PPP3CA: variants seen among roughly 807,000 people sequenced by gnomAD.
The protein encoded by PPP3CA is protein phosphatase 3 catalytic subunit alpha.
Under a neutral mutation model 66.5 loss-of-function variants are expected in PPP3CA, and 14 were observed. The observed-to-expected ratio is 0.21, with a 90% CI of 0.14 to 0.33. The LOEUF is 0.33. Ranked by LOEUF, PPP3CA falls within the 10% of genes least tolerant of loss-of-function variation. The pLI, the probability that PPP3CA is intolerant of heterozygous loss-of-function variation, is 1.00. For missense variants in PPP3CA, 317 were observed against 639.5 expected, an observed-to-expected ratio of 0.50 and a Z score of 5.44; for synonymous variants, 232 against 226.2, an observed-to-expected ratio of 1.03 and a Z score of -0.23.
chr4:101,038,006 T>G (rs1370865547), intron 11 of PPP3CA, among the ~76,000 whole-genome samples: 1 of 152,224 alleles, frequency 6.6e-6, no homozygotes, highest in Admixed American at 6.5e-5. Flanking sequence ...ACACTCTGCT[T>G]AGCCTCTCTC....
intron 6 of PPP3CA, among the ~76,000 whole-genome samples, chr4:101,088,117 T>C (rs1055341970): frequency 6.6e-6 from 1 of 152,088 alleles, no homozygotes; most frequent in African/African-American, 2.4e-5. Flanking sequence ...ACTCAGATTG[T>C]CTGTCTCTCT....
intron 2 of PPP3CA, among the ~76,000 whole-genome samples, chr4:101,142,944 GC>G (rs1578489697): frequency 6.6e-6 from 1 of 152,114 alleles, no homozygotes; most frequent in Admixed American, 6.6e-5. Flanking sequence ...GGCCTCTTTG[GC>G]TATATACCTT....
chr4:101,090,641 C>CA (rs1218660976), intron 6 of PPP3CA, among the ~76,000 whole-genome samples: 1,148 of 65,380 alleles, frequency 0.018, 25 homozygotes, highest in Non-Finnish European at 0.024. Context: ...GACTCTGTCT[C>CA]AAAAAAAAAA....
At chr4:101,211,044 T>C (rs917416243) in intron 1 of PPP3CA, among the ~76,000 whole-genome samples, 2 of 152,220 alleles carry the variant, frequency 1.3e-5, no homozygotes, top group African/African-American at 4.8e-5. Context: ...GCAGATTTAC[T>C]TCACTGAATT....
intron 11 of PPP3CA, among the ~76,000 whole-genome samples, chr4:101,035,637 A>T (rs115885266): frequency 1.6e-3 from 247 of 152,332 alleles, no homozygotes; most frequent in African/African-American, 5.2e-3. Flanking sequence ...GCCCCAGCAT[A>T]GAAGATGGTC....
At chr4:101,291,200 A>G (rs1728012883) in intron 1 of PPP3CA, among the ~76,000 whole-genome samples, 1 of 152,194 alleles carries the variant, frequency 6.6e-6, no homozygotes, top group South Asian at 2.1e-4. Context: ...TAGTTCTTCT[A>G]TGTGGGTCAA....
intron 10 of PPP3CA, among the ~76,000 whole-genome samples, chr4:101,042,810 T>TC (rs1169667955): frequency 7.5e-6 from 1 of 133,374 alleles, no homozygotes; most frequent in Non-Finnish European, 1.5e-5. Flanking sequence ...TTTCTTTTTT[T>TC]TTTTTTTTTT....
intron 1 of PPP3CA, among the ~76,000 whole-genome samples, chr4:101,280,544 G>C (rs557214611): frequency 6.6e-6 from 1 of 152,262 alleles, no homozygotes; most frequent in East Asian, 1.9e-4. Context: ...AACGGACCAG[G>C]TGTGGTGGCT....
intron 1 of PPP3CA, among the ~76,000 whole-genome samples, chr4:101,203,007 T>C (rs1480618473): frequency 2.6e-5 from 4 of 152,168 alleles, no homozygotes; most frequent in African/African-American, 9.7e-5. Flanking sequence ...AATGTTCACA[T>C]AAAAATATAG....
chr4:101,255,103 C>T (rs1726799487), intron 1 of PPP3CA, among the ~76,000 whole-genome samples: 2 of 149,778 alleles, frequency 1.3e-5, no homozygotes, highest in Admixed American at 6.7e-5. Context: ...GGACAAAGTT[C>T]CTCTTATTTT....
chr4:101,042,155 C>G (rs918024433), intron 10 of PPP3CA, among the ~76,000 whole-genome samples: 1 of 145,430 alleles, frequency 6.9e-6, no homozygotes, highest in South Asian at 2.2e-4. Flanking sequence ...TTTGAAATGG[C>G]TAGAAAAAAG....
intron 2 of PPP3CA, among the ~76,000 whole-genome samples, chr4:101,149,493 A>C (rs1723071326): frequency 6.6e-6 from 1 of 152,170 alleles, no homozygotes; most frequent in Non-Finnish European, 1.5e-5. Flanking sequence ...TAAGTTAAAA[A>C]ATTTTGCTAG....
intron 1 of PPP3CA, among the ~76,000 whole-genome samples, chr4:101,320,584 T>G (rs2583395): frequency 0.44 from 66,650 of 151,494 alleles, 17,234 homozygotes; most frequent in African/African-American, 0.71. Flanking sequence ...ATTGGTCATG[T>G]TTCTTAGAAA....
intron 10 of PPP3CA, among the ~76,000 whole-genome samples, chr4:101,053,392 A>T (rs544186548): frequency 1.3e-5 from 2 of 152,178 alleles, no homozygotes; most frequent in South Asian, 2.1e-4. Flanking sequence ...TGCTACACAA[A>T]CCTGGTTCTT....
In PPP3CA at chr4:101,025,304, G is replaced by GT. The variant is rs5860654; in HGVS notation, c.*560dup. ...GCAACGTTCTTTTTTTTCTTTTTCTGTTTTTTTTTTTTTTTAAGACTGCCT... is the reference window on the plus strand; with the variant it reads ...GCAACGTTCTTTTTTTTCTTTTTCTGTTTTTTTTTTTTTTTTAAGACTGCCT... On this transcript the variant is annotated 3_prime_UTR_variant, in exon 14 of 14. Transcript: ENST00000394854. The GT allele has an allele frequency of 0.35, 47,363 of 136,354 alleles. 9,283 individuals carry two copies. Among genetic ancestry groups the GT allele is most frequent in the Non-Finnish European group, 0.47 (29,743 of 63,770 alleles). 8.4% of individuals were successfully genotyped at this position (136,354 alleles called of 1,614,324 possible).
chr4:101,290,480 T>C (rs1021114055), intron 1 of PPP3CA, among the ~76,000 whole-genome samples: 6 of 152,230 alleles, frequency 3.9e-5, no homozygotes, highest in African/African-American at 1.4e-4. Context: ...GCTTAAATAA[T>C]ATAAATACAT....
intron 2 of PPP3CA, among the ~76,000 whole-genome samples, chr4:101,112,681 C>T (rs1203635473): frequency 1.3e-5 from 2 of 152,176 alleles, no homozygotes; most frequent in African/African-American, 2.4e-5. Flanking sequence ...TAAAGTCTCA[C>T]ATACACGTCA....
chr4:101,216,780 G>T (rs1043317087), intron 1 of PPP3CA, among the ~76,000 whole-genome samples: 1 of 151,874 alleles, frequency 6.6e-6, no homozygotes, highest in Non-Finnish European at 1.5e-5. Context: ...TAAACTCCTG[G>T]GCTCTCGCAA....
intron 2 of PPP3CA, among the ~76,000 whole-genome samples, chr4:101,189,663 T>C (rs1225671657): frequency 1.7e-5 from 2 of 118,670 alleles, no homozygotes; most frequent in African/African-American, 3.8e-5. Flanking sequence ...AGTTAAAAAG[T>C]ACAGTGTTTA....
Sources: gnomAD v4.1 joint callset for allele counts (sites outside exome capture counted in the v4.1 genomes callset) on GRCh38, gnomAD v4.1.1 for gene constraint, MANE v1.5 for transcripts, NCBI Gene and HGNC (gene_info 2026-07-23, HGNC 2026-07-21) for gene names.